Variants in NXPE2 observed in about 807,000 individuals in gnomAD.
The protein encoded by NXPE2 is NXPE family member 2.
Under a neutral mutation model 34.4 loss-of-function variants are expected in NXPE2, and 34 were observed. That is an observed-to-expected ratio of 0.99 (90% confidence interval 0.75 to 1.31). The LOEUF (loss-of-function observed/expected upper bound fraction) is 1.31, where lower values mean the gene tolerates loss of function less well. Among genes scored for constraint, NXPE2 ranks in the 40% most tolerant of loss-of-function variants. The pLI, the probability that NXPE2 is intolerant of heterozygous loss-of-function variation, is 0.00. For synonymous variants in NXPE2, 235 were observed against 231.3 expected (o/e 1.02, Z -0.15); for missense variants, 649 against 672.5 (o/e 0.97, Z 0.39).
the NXPE2 span, among the ~76,000 whole-genome samples, chr11:114,620,117 T>C: frequency 1.3e-5 from 2 of 151,666 alleles, no homozygotes; most frequent in African/African-American, 4.9e-5. Flanking sequence ...CAGTGGATAA[T>C]ACGTATTTCC....
At chr11:114,633,680 G>A in the NXPE2 span, among the ~76,000 whole-genome samples, 1 of 142,570 alleles carries the variant, frequency 7.0e-6, no homozygotes, top group Non-Finnish European at 1.5e-5. Flanking sequence ...TGTTCTCATT[G>A]TTCAATTCCC....
At chr11:114,728,684 A>G in the NXPE2 span, among the ~76,000 whole-genome samples, 1 of 152,076 alleles carries the variant, frequency 6.6e-6, no homozygotes, top group East Asian at 1.9e-4. Context: ...GCTTTATGGG[A>G]CATACAGTCT....
At chr11:114,795,806 G>A in the NXPE2 span, among the ~76,000 whole-genome samples, 1 of 152,228 alleles carries the variant, frequency 6.6e-6, no homozygotes, top group African/African-American at 2.4e-5. Flanking sequence ...AGTCTGCTCA[G>A]CCAGCCTAGG....
At chr11:114,515,355 T>C in the NXPE2 span, among the ~76,000 whole-genome samples, 1 of 152,212 alleles carries the variant, frequency 6.6e-6, no homozygotes. Flanking sequence ...GTACAAGATC[T>C]AGAGAAACAA....
chr11:114,796,506 T>C, the NXPE2 span, among the ~76,000 whole-genome samples: 1 of 152,078 alleles, frequency 6.6e-6, no homozygotes, highest in Non-Finnish European at 1.5e-5. Flanking sequence ...GGTTAACTGT[T>C]TCCTCTGAAA....
At chr11:114,602,909 T>A in the NXPE2 span, among the ~76,000 whole-genome samples, 1 of 148,746 alleles carries the variant, frequency 6.7e-6, no homozygotes, top group East Asian at 2.0e-4. Context: ...AATTACAGAA[T>A]CATATATAAT....
chr11:114,598,245 A>T, the NXPE2 span, among the ~76,000 whole-genome samples: 1 of 47,576 alleles, frequency 2.1e-5, no homozygotes, highest in Non-Finnish European at 4.5e-5. Flanking sequence ...ACACTAACGC[A>T]AGGGGTGGGC....
the NXPE2 span, among the ~76,000 whole-genome samples, chr11:114,669,381 A>ATCCC: frequency 3.9e-5 from 6 of 152,068 alleles, no homozygotes; most frequent in Non-Finnish European, 8.8e-5. Flanking sequence ...TGGCAGGTGC[A>ATCCC]ATCAAGAAGA....
the NXPE2 span, among the ~76,000 whole-genome samples, chr11:114,735,390 T>C: frequency 1.3e-5 from 2 of 152,178 alleles, no homozygotes; most frequent in Non-Finnish European, 2.9e-5. Flanking sequence ...AGAATTTTTC[T>C]CCCTCTCAAA....
At chr11:114,468,304 A>G in the NXPE2 span, among the ~76,000 whole-genome samples, 2 of 152,174 alleles carry the variant, frequency 1.3e-5, no homozygotes, top group African/African-American at 4.8e-5. Flanking sequence ...ACTCTGTGCT[A>G]TGAATCAACA....
chr11:114,605,548 A>C, the NXPE2 span, among the ~76,000 whole-genome samples: 5 of 148,424 alleles, frequency 3.4e-5, no homozygotes, highest in East Asian at 2.1e-4. Flanking sequence ...GTGTTGCCTC[A>C]TGGGTAACCA....
At chr11:114,652,623 A>G in the NXPE2 span, among the ~76,000 whole-genome samples, 153 of 152,350 alleles carry the variant, frequency 1.0e-3, 1 homozygote, top group Admixed American at 8.4e-3. Context: ...AATTGTCATC[A>G]GGAGGTAATA....
chr11:114,495,146 C>T, the NXPE2 span, among the ~76,000 whole-genome samples: 67 of 152,248 alleles, frequency 4.4e-4, no homozygotes, highest in East Asian at 9.9e-3. Flanking sequence ...ACCAGTGGGA[C>T]GGTGCTGGAT....
chr11:114,580,212 C>G, the NXPE2 span: 1 of 1,614,060 alleles, frequency 6.2e-7, no homozygotes, highest in Non-Finnish European at 8.5e-7. Context: ...TCCTCTCAGG[C>G]ATTCCTTCAT....
the NXPE2 span, among the ~76,000 whole-genome samples, chr11:114,586,179 C>T: frequency 6.6e-6 from 1 of 152,142 alleles, no homozygotes; most frequent in African/African-American, 2.4e-5. Flanking sequence ...ACCAAAAGAC[C>T]CACTTAAATC....
At chr11:114,482,793 A>G in the NXPE2 span, among the ~76,000 whole-genome samples, 1 of 152,158 alleles carries the variant, frequency 6.6e-6, no homozygotes, top group Non-Finnish European at 1.5e-5. Context: ...TCTACTCTGT[A>G]TGTGTGTCAT....
chr11:114,506,768 T>C, the NXPE2 span, among the ~76,000 whole-genome samples: 2 of 151,926 alleles, frequency 1.3e-5, no homozygotes, highest in Admixed American at 1.3e-4. Context: ...TAAACACCCA[T>C]ATCAAAAAGT....
chr11:114,485,902 G>A, the NXPE2 span, among the ~76,000 whole-genome samples: 4 of 152,028 alleles, frequency 2.6e-5, no homozygotes, highest in African/African-American at 7.3e-5. Context: ...TTCATCTGTC[G>A]ATGGACACTT....
At chr11:114,715,805 C>A in the NXPE2 span, among the ~76,000 whole-genome samples, 62 of 152,200 alleles carry the variant, frequency 4.1e-4, no homozygotes, top group African/African-American at 1.5e-3. Flanking sequence ...TCATAGATGA[C>A]CTCAGACCAT....
Sources: gnomAD v4.1 joint callset for allele counts (sites outside exome capture counted in the v4.1 genomes callset) on GRCh38, gnomAD v4.1.1 for gene constraint, MANE v1.5 for transcripts, NCBI Gene and HGNC (gene_info 2026-07-23, HGNC 2026-07-21) for gene names.